GARNL3: variants seen among roughly 807,000 people sequenced by gnomAD.
The protein encoded by GARNL3 is GTPase-activating Rap/Ran-GAP domain-like protein 3.
Under a neutral mutation model 125.0 loss-of-function variants are expected in GARNL3, and 63 were observed. The ratio of observed to expected loss-of-function variants is 0.50; its 90% CI spans 0.41 to 0.62. The LOEUF (loss-of-function observed/expected upper bound fraction) is 0.62, where lower values mean the gene tolerates loss of function less well. Ranked by LOEUF, GARNL3 falls within the 20% of genes least tolerant of loss-of-function variation. The pLI is 0.00. For missense variants in GARNL3, 994 were observed against 1,244.0 expected (o/e 0.80, Z 3.02); for synonymous variants, 439 against 457.5 (o/e 0.96, Z 0.52).
At chr9:127,357,965 TA>T (rs978161775) in intron 21 of GARNL3, among the ~76,000 whole-genome samples, 2 of 152,032 alleles carry the variant, frequency 1.3e-5, no homozygotes, top group African/African-American at 4.8e-5. Flanking sequence ...CCTACCCCCT[TA>T]AAAACCCACT....
intron 22 of GARNL3, chr9:127,367,519 G>T (rs1030253919): frequency 2.0e-5 from 3 of 152,038 alleles, no homozygotes; most frequent in African/African-American, 7.3e-5. Context: ...AACCTTTAGG[G>T]GAAAAAATAG....
chr9:127,258,450 G>A (rs1394397583), intron 2 of GARNL3, among the ~76,000 whole-genome samples: 2 of 152,048 alleles, frequency 1.3e-5, no homozygotes, highest in African/African-American at 4.8e-5. Context: ...GACCAACCAG[G>A]ACAGCATGGC....
At chr9:127,290,465 G>T (rs1011348925) in intron 1 of GARNL3, among the ~76,000 whole-genome samples, 2 of 152,242 alleles carry the variant, frequency 1.3e-5, no homozygotes, top group African/African-American at 4.8e-5. Flanking sequence ...GTTGCAAATT[G>T]TGGGTAGATT....
At chr9:127,300,318 G>C (rs62578826) in intron 2 of GARNL3, 56,244 of 244,958 alleles carry the variant, frequency 0.23, 6,882 homozygotes, top group East Asian at 0.28. Flanking sequence ...CTTCTCTGTT[G>C]TGGGAATTTT....
chr9:127,353,767 C>A, intron 17 of GARNL3, 79 bp from the exon 18 acceptor site: 1 of 934,672 alleles, frequency 1.1e-6, no homozygotes, highest in Non-Finnish European at 1.8e-6. Flanking sequence ...GGGTTCAAAA[C>A]TACCCACAGG....
chr9:127,231,244 T>TTC (rs2063013026), intron 1 of GARNL3, among the ~76,000 whole-genome samples: 1 of 141,360 alleles, frequency 7.1e-6, no homozygotes. Flanking sequence ...TTTTTTTTTT[T>TTC]TGTATTTTTA....
At chr9:127,273,900 T>G (rs543015043) in intron 1 of GARNL3, among the ~76,000 whole-genome samples, 1 of 152,314 alleles carries the variant, frequency 6.6e-6, no homozygotes, top group African/African-American at 2.4e-5. Context: ...CATTTGTGGC[T>G]TATCTCTAAC....
intron 25 of GARNL3, among the ~76,000 whole-genome samples, chr9:127,387,743 C>CAAAA (rs59031446): frequency 4.4e-3 from 253 of 57,806 alleles, no homozygotes; most frequent in African/African-American, 0.014. Context: ...ACTCTGTCTA[C>CAAAA]AAAAAAAAAA....
intron 1 of GARNL3, among the ~76,000 whole-genome samples, chr9:127,276,380 A>AT (rs1554897934): frequency 0.066 from 9,092 of 136,784 alleles, 669 homozygotes; most frequent in African/African-American, 0.2. Context: ...CCTTCTCAGC[A>AT]TTTTTTTTTT....
chr9:127,388,596 C>T (rs1165686842), intron 25 of GARNL3: 4 of 391,148 alleles, frequency 1.0e-5, no homozygotes, highest in East Asian at 5.8e-5. Context: ...CTTTATTGCA[C>T]GCAGTTAAGA....
intron 1 of GARNL3, among the ~76,000 whole-genome samples, chr9:127,278,231 C>T (rs572278381): frequency 3.9e-5 from 6 of 152,108 alleles, no homozygotes; most frequent in African/African-American, 9.7e-5. Flanking sequence ...ATCACTATTA[C>T]GATTTAGTAC....
intron 22 of GARNL3, among the ~76,000 whole-genome samples, chr9:127,381,422 C>T (rs1327043792): frequency 8.6e-5 from 13 of 151,762 alleles, no homozygotes; most frequent in Non-Finnish European, 1.5e-5. Flanking sequence ...TAGGTGGGGA[C>T]ATTTTGTGAA....
chr9:127,274,811 A>C (rs1401335543), intron 1 of GARNL3, among the ~76,000 whole-genome samples: 1 of 152,176 alleles, frequency 6.6e-6, no homozygotes, highest in Admixed American at 6.5e-5. Context: ...TACCTGGTTA[A>C]CTCTTCAGCA....
intron 1 of GARNL3, chr9:127,225,402 AGGTACTGCG>A: frequency 1.0e-6 from 1 of 980,902 alleles, no homozygotes; most frequent in Non-Finnish European, 1.2e-6. Context: ...CGAGAGCCCA[AGGTACTGCG>A]GACGGGGAGG....
At chr9:127,260,720 CTGGGCTGAAT>C (rs1251845362), upstream of GARNL3, among the ~76,000 whole-genome samples, 6 of 152,188 alleles carry the variant, frequency 3.9e-5, no homozygotes, top group African/African-American at 1.4e-4. Flanking sequence ...AAAACAAGCG[CTGGGCTGAAT>C]TGGGCTGTAG....
intron 5 of GARNL3, among the ~76,000 whole-genome samples, chr9:127,318,900 C>G (rs542110314): frequency 1.3e-5 from 2 of 152,322 alleles, no homozygotes; most frequent in Admixed American, 1.3e-4. Context: ...GAATTGGAGC[C>G]TCAGAGAAGT....
In GARNL3 at chr9:127,342,349, A is replaced by C; in HGVS notation, c.1251+15A>C. Reference sequence around the variant, plus strand: ...ATTTGCATAAGGTAATTCTGGGTCCATGGTCTTCTTTCCTTCTTATGGGGT... The same window carrying C: ...ATTTGCATAAGGTAATTCTGGGTCCCTGGTCTTCTTTCCTTCTTATGGGGT... On this transcript the variant is annotated intron_variant, in intron 14 of 27. Transcript: ENST00000373387. 2.0e-6 allele frequency: 3 copies of C among 1,516,344 alleles called. No homozygotes were observed. The highest frequency in any genetic ancestry group is 2.8e-6 in the Non-Finnish European group (3 of 1,090,842). 93.9% of individuals were successfully genotyped at this position (1,516,344 alleles called of 1,614,324 possible). A position where few individuals can be genotyped will look rare whatever the true frequency, so the allele number is the denominator to read the frequency against.
chr9:127,339,885 T>A lies in GARNL3; in HGVS notation c.1135+134T>A, dbSNP rs990680489. On this transcript the variant is annotated intron_variant, in intron 13 of 27. Transcript: ENST00000373387. ...TGTTCCGTTAATTCTTTGCACAACA[T>A]GTGTTTAGTATTCTGGTCATGTTGT... 7 of 694,094 alleles carry A rather than the reference T, an allele frequency of 1.0e-5. No homozygotes were observed. The African/African-American group carries it at 1.2e-4, about 12-fold the overall frequency. The allele number at this position is 694,094 out of a possible 1,614,324, so 43.0% of individuals were successfully genotyped here. A position where few individuals can be genotyped will look rare whatever the true frequency, so the allele number is the denominator to read the frequency against.
At chr9:127,262,124 T>C (rs1317595955), upstream of GARNL3, among the ~76,000 whole-genome samples, 9 of 152,182 alleles carry the variant, frequency 5.9e-5, no homozygotes, top group Admixed American at 5.9e-4. Context: ...CACTGGCTGC[T>C]GCCTGCCTAC....
Sources: allele counts gnomAD v4.1 joint callset (sites outside exome capture counted in the v4.1 genomes callset), GRCh38; gene constraint gnomAD v4.1.1; transcripts MANE v1.5; gene names NCBI Gene and HGNC (gene_info 2026-07-23, HGNC 2026-07-21).